Variants in CYFIP2 observed in about 807,000 individuals in gnomAD.
CYFIP2 encodes cytoplasmic FMR1-interacting protein 2.
A neutral mutation model predicts 158.7 loss-of-function variants in CYFIP2; 29 were observed. That is an observed-to-expected ratio of 0.18 (90% confidence interval 0.14 to 0.25). CYFIP2 has a LOEUF of 0.25. Ranked by LOEUF, CYFIP2 falls within the 10% of genes least tolerant of loss-of-function variation. The pLI, the probability that CYFIP2 is intolerant of heterozygous loss-of-function variation, is 1.00. For synonymous variants in CYFIP2, 585 were observed against 617.6 expected, an observed-to-expected ratio of 0.95 and a Z score of 0.78; for missense variants, 852 against 1,639.5, an observed-to-expected ratio of 0.52 and a Z score of 8.29.
At chr5:157,304,078 G>A (rs984804164) in intron 7 of CYFIP2, among the ~76,000 whole-genome samples, 160 bp from the exon 8 acceptor site, 1 of 152,192 alleles carries the variant, frequency 6.6e-6, no homozygotes. Context: ...AGAGGATTCA[G>A]GCATCAGGTG....
At position 157,285,273 on chromosome 5, in the gene CYFIP2, G is replaced by A. The variant is rs377704391; in HGVS notation, c.-23-66G>A. On this transcript the variant is annotated intron_variant, in intron 1 of 30. Coordinates refer to ENST00000620254, the MANE Select transcript of CYFIP2 (RefSeq NM_001037333.3). ...ATTCTCCCAAAGGATGCTGGTCATG[G>A]TGCGGTTAAGAGGAATTTTAGAGGC... 2.9e-5 allele frequency: 31 copies of A among 1,055,910 alleles called. 1 individual carries two copies. Among genetic ancestry groups the A allele is most frequent in the African/African-American group, 9.5e-5 (6 of 63,394 alleles). 65.4% of individuals were successfully genotyped at this position (1,055,910 alleles called of 1,614,324 possible).
Position 157,300,729 on chromosome 5 carries a change from G to A in CYFIP2, c.402G>A (p.Glu134=). The A allele has an allele frequency of 5.6e-6, 9 of 1,601,726 alleles. No individual in the cohort carries two copies. The highest frequency in any genetic ancestry group is 7.7e-6 in the Non-Finnish European group (9 of 1,173,044). ...KFMYFQRKAI[E]RFCSEVKRLC... is the part of the protein sequence containing the mutation. ...TCTGCCCCCAGCGCAAGGCCATCGA[G>A]CGGTTCTGCAGCGAGGTGAAGCGGC... The change falls in exon 6 of 31, where the codon GAG becomes GAA. Residue 134 remains glutamate (E), a synonymous_variant. Transcript: ENST00000620254.
chr5:157,391,295 T>A (rs6875379), intron 30 of CYFIP2, among the ~76,000 whole-genome samples: 16,883 of 152,058 alleles, frequency 0.11, 934 homozygotes, highest in Middle Eastern at 0.16. Context: ...AGGGCTTTTT[T>A]AAAAAATACA....
intron 3 of CYFIP2, among the ~76,000 whole-genome samples, chr5:157,294,006 C>T (rs1400749763): frequency 6.6e-6 from 1 of 152,148 alleles, no homozygotes; most frequent in East Asian, 1.9e-4. Flanking sequence ...TGAAGAACTT[C>T]TCAAAAGACC....
intron 9 of CYFIP2, among the ~76,000 whole-genome samples, chr5:157,308,369 A>C (rs1462236946): frequency 6.6e-6 from 1 of 152,194 alleles, no homozygotes; most frequent in Non-Finnish European, 1.5e-5. Flanking sequence ...TCTGGATAGA[A>C]TGCCTCAGCA....
chr5:157,282,314 G>A (rs1027417365), intron 1 of CYFIP2, among the ~76,000 whole-genome samples: 1 of 152,070 alleles, frequency 6.6e-6, no homozygotes, highest in African/African-American at 2.4e-5. Flanking sequence ...GGGGGAGGGA[G>A]GTGCCACACA....
At chr5:157,336,637 G>C (rs145056478) in intron 21 of CYFIP2, among the ~76,000 whole-genome samples, 5 of 152,170 alleles carry the variant, frequency 3.3e-5, no homozygotes, top group South Asian at 2.1e-4. Context: ...GTCTTCTTTC[G>C]TTGATGAGCT....
At chr5:157,286,291 A>AT (rs1757370561) in intron 2 of CYFIP2, among the ~76,000 whole-genome samples, 1 of 151,242 alleles carries the variant, frequency 6.6e-6, no homozygotes, top group South Asian at 2.1e-4. Flanking sequence ...AAACATATAA[A>AT]TTTTTTCTAT....
intron 3 of CYFIP2, among the ~76,000 whole-genome samples, chr5:157,292,719 T>C (rs1221105815): frequency 6.6e-6 from 1 of 152,200 alleles, no homozygotes; most frequent in East Asian, 1.9e-4. Flanking sequence ...TCTACACATT[T>C]TTCTGTGTGG....
At position 157,360,381 on chromosome 5, in the gene CYFIP2, T is replaced by G. The variant is rs779522557; in HGVS notation, c.2908+9T>G. On this transcript the variant is annotated intron_variant, in intron 25 of 30. Transcript: ENST00000620254. ...TGAGTATGGCTCCCCAGGTTGGTGA[T>G]AGCAAAACAATCCAGACCCCTCCCA... 3 of 1,611,758 alleles carry G rather than the reference T, an allele frequency of 1.9e-6. No individual in the cohort carries two copies. The highest frequency in any genetic ancestry group is 2.5e-6 in the Non-Finnish European group (3 of 1,178,526).
At chr5:157,299,538 AT>A (rs954969565) in intron 5 of CYFIP2, among the ~76,000 whole-genome samples, 67 of 151,896 alleles carry the variant, frequency 4.4e-4, no homozygotes, top group Admixed American at 2.0e-3. Context: ...TTCCTTCTTT[AT>A]TTTTTTCCAT....
At chr5:157,360,218 C>T (rs1763712565) in intron 24 of CYFIP2, 64 bp from the exon 25 acceptor site, 1 of 1,385,764 alleles carries the variant, frequency 7.2e-7, no homozygotes, top group East Asian at 2.3e-5. Context: ...GAGGTCTCAG[C>T]ATAACCTCCA....
At chr5:157,382,366 T>G (rs560196543) in intron 26 of CYFIP2, among the ~76,000 whole-genome samples, 1 of 152,368 alleles carries the variant, frequency 6.6e-6, no homozygotes, top group South Asian at 2.1e-4. Flanking sequence ...TTTTCTCGTT[T>G]GATCCTCACA....
At chr5:157,322,666 G>A (rs970018367) in intron 15 of CYFIP2, among the ~76,000 whole-genome samples, 1 of 152,222 alleles carries the variant, frequency 6.6e-6, no homozygotes, top group Non-Finnish European at 1.5e-5. Flanking sequence ...CCCTGTGGCA[G>A]GGATGGTGGG....
intron 23 of CYFIP2, among the ~76,000 whole-genome samples, chr5:157,349,732 A>G (rs527918404): frequency 5.7e-4 from 87 of 152,376 alleles, no homozygotes; most frequent in African/African-American, 1.9e-3. Flanking sequence ...CATTCCCACC[A>G]GCAGCGTAAA....
intron 26 of CYFIP2, chr5:157,380,246 G>A (rs997114303): frequency 6.6e-6 from 1 of 152,236 alleles, no homozygotes; most frequent in Non-Finnish European, 1.5e-5. Flanking sequence ...CAGAGGCTCC[G>A]TGACCCCTAA....
chr5:157,303,823 C>G (rs1758985798), intron 7 of CYFIP2, among the ~76,000 whole-genome samples: 1 of 151,838 alleles, frequency 6.6e-6, no homozygotes, highest in South Asian at 2.1e-4. Flanking sequence ...ACCTGCCCCC[C>G]TCCCCACCGC....
At chr5:157,384,852 A>G (rs1038508564) in intron 28 of CYFIP2, 2 of 250,330 alleles carry the variant, frequency 8.0e-6, no homozygotes. Flanking sequence ...AGGCAGGAGA[A>G]TTGCTTGAAC....
intron 26 of CYFIP2, among the ~76,000 whole-genome samples, chr5:157,367,902 G>GCACCAC (rs1176215113): frequency 6.6e-6 from 1 of 151,890 alleles, no homozygotes; most frequent in Non-Finnish European, 1.5e-5. Context: ...TTACAGGCAT[G>GCACCAC]CACCACCACA....
Sources: allele counts gnomAD v4.1 joint callset (sites outside exome capture counted in the v4.1 genomes callset), GRCh38; gene constraint gnomAD v4.1.1; transcripts MANE v1.5; gene names NCBI Gene and HGNC (gene_info 2026-07-23, HGNC 2026-07-21).